The following GIPC2 variants were observed in gnomAD, a reference collection of about 807,000 sequenced individuals.
GIPC2 encodes the protein GIPC PDZ domain containing family member 2.
In GIPC2, 30 loss-of-function variants were observed where a neutral mutation model predicts 30.6. The observed-to-expected ratio is 0.98, with a 90% confidence interval of 0.73 to 1.33. GIPC2 has a LOEUF of 1.33. GIPC2 is among the 40% of genes most tolerant of loss of function. GIPC2 has a pLI of 0.00. For synonymous variants in GIPC2, 167 were observed against 150.0 expected (o/e 1.11, Z -0.83); for missense variants, 414 against 390.3 (o/e 1.06, Z -0.51).
At chr1:78,130,417 T>C (rs1014671959) in intron 5 of GIPC2, among the ~76,000 whole-genome samples, 2 of 152,194 alleles carry the variant, frequency 1.3e-5, no homozygotes, top group African/African-American at 2.4e-5. Flanking sequence ...ACTTTCTTTT[T>C]ATAGTGAATT....
chr1:78,063,473 C>T (rs1374162545), intron 1 of GIPC2, among the ~76,000 whole-genome samples: 1 of 149,484 alleles, frequency 6.7e-6, no homozygotes, highest in South Asian at 2.1e-4. Context: ...GCCTGGGCCA[C>T]AAGAGCTAAA....
intron 1 of GIPC2, among the ~76,000 whole-genome samples, chr1:78,067,513 G>A (rs185261733): frequency 3.3e-5 from 5 of 151,550 alleles, no homozygotes; most frequent in East Asian, 1.9e-4. Context: ...GTGTAGTGTC[G>A]TGGTCTCAGC....
Position 78,130,947 on chromosome 1 carries a change from G to T in GIPC2, c.797-4645G>T, listed in dbSNP as rs147472655. On this transcript the variant is annotated intron_variant, in intron 5 of 5. Coordinates refer to ENST00000370759, the MANE Select transcript of GIPC2 (RefSeq NM_017655.6). ...TAGTCCAGTGGCAGTAATAAAAATG[G>T]CCACTAGAGGTCAGCACTTAGCTGC... Among the ~76,000 whole-genome samples the T allele has an allele frequency of 1.5e-3, 222 of 152,098 alleles. 2 individuals are homozygous for T. The highest frequency in any genetic ancestry group is 5.1e-3 in the African/African-American group (210 of 41,500).
chr1:78,082,225 A>G (rs1259910095), intron 2 of GIPC2, among the ~76,000 whole-genome samples: 1 of 152,184 alleles, frequency 6.6e-6, no homozygotes, highest in East Asian at 1.9e-4. Context: ...ATTTGGATCT[A>G]TGAGGTCTGA....
At chr1:78,113,863 ATT>A (rs35608832) in intron 3 of GIPC2, among the ~76,000 whole-genome samples, 11 of 137,208 alleles carry the variant, frequency 8.0e-5, no homozygotes, top group Non-Finnish European at 7.9e-5. Context: ...GCCCATACCT[ATT>A]TTTTTTTTTT....
At chr1:78,114,237 C>A (rs1662526620) in intron 3 of GIPC2, among the ~76,000 whole-genome samples, 1 of 152,178 alleles carries the variant, frequency 6.6e-6, no homozygotes, top group Non-Finnish European at 1.5e-5. Context: ...ACTGTATCCA[C>A]TGCATCCCTG....
intron 4 of GIPC2, among the ~76,000 whole-genome samples, chr1:78,121,611 C>T (rs755708546): frequency 5.3e-5 from 8 of 151,880 alleles, no homozygotes; most frequent in South Asian, 2.1e-4. Context: ...GAGTCAAATG[C>T]GTGGGTTCTG....
At chr1:78,106,890 G>A (rs1662363632) in intron 3 of GIPC2, among the ~76,000 whole-genome samples, 3 of 151,958 alleles carry the variant, frequency 2.0e-5, no homozygotes, top group Admixed American at 2.0e-4. Flanking sequence ...TGGTCAGGCT[G>A]GTCTCGAACT....
chr1:78,116,198 C>G (rs1662564035), intron 3 of GIPC2, among the ~76,000 whole-genome samples: 1 of 152,172 alleles, frequency 6.6e-6, no homozygotes, highest in Admixed American at 6.5e-5. Context: ...TTCATGAGAA[C>G]TGATTCACTA....
At position 78,053,239 on chromosome 1, in the gene GIPC2, A is replaced by T. The variant is rs536066540; in HGVS notation, c.240+6905A>T. 3.9e-5 allele frequency among the ~76,000 whole-genome samples: 6 copies of T among 152,340 alleles called. No individual in the cohort carries two copies. The South Asian group carries it at 1.2e-3, about 32-fold the overall frequency. ...TTCTGTTGCACATAAACAATTGCAC[A>T]GCATGTCAACAGCAGATAAGACTGC... On this transcript the variant is annotated intron_variant, in intron 1 of 5. Coordinates refer to ENST00000370759, the MANE Select transcript of GIPC2 (RefSeq NM_017655.6).
At chr1:78,057,032 T>C (rs1260890694) in intron 1 of GIPC2, among the ~76,000 whole-genome samples, 4 of 152,328 alleles carry the variant, frequency 2.6e-5, no homozygotes, top group Admixed American at 2.6e-4. Context: ...GTATTTCCTA[T>C]AAATTAATAG....
chr1:78,114,123 A>G (rs1172330456), intron 3 of GIPC2, among the ~76,000 whole-genome samples: 7 of 152,202 alleles, frequency 4.6e-5, no homozygotes, highest in Non-Finnish European at 8.8e-5. Context: ...CCTGTGCCCT[A>G]AGTGACGTAT....
chr1:78,133,750 T>TTGTGTGTGTGTG (rs3057089), intron 5 of GIPC2, among the ~76,000 whole-genome samples: 8 of 146,012 alleles, frequency 5.5e-5, no homozygotes, highest in African/African-American at 2.0e-4. Flanking sequence ...GAAAAAAAAA[T>TTGTGTGTGTGTG]TGTGTGTGTG....
chr1:78,099,755 G>T (rs756497503), intron 3 of GIPC2, among the ~76,000 whole-genome samples: 17 of 152,008 alleles, frequency 1.1e-4, no homozygotes, highest in Non-Finnish European at 2.4e-4. Context: ...GCTTTCTAAG[G>T]AAAGAGATTT....
At position 78,046,326 on chromosome 1, in the gene GIPC2, C is replaced by G; in HGVS notation, c.232C>G (p.Pro78Ala). Reference sequence around the variant, plus strand: ...GATCGCGGGCGCGTTTGAAATCTCGCCGTCGGAGGTAAGGCGCCAGGTGCT... The same window carrying G: ...GATCGCGGGCGCGTTTGAAATCTCGGCGTCGGAGGTAAGGCGCCAGGTGCT... ...AQIAGAFEISPSEILYCTLNT... is the reference protein window; with the variant it reads ...AQIAGAFEISASEILYCTLNT... Residue 78 changes from proline (P) to alanine (A), a missense_variant, in exon 1 of 6, where the codon CCG becomes GCG. Transcript: ENST00000370759. 6.2e-7 allele frequency: 1 copy of G among 1,610,330 alleles called. No individual in the cohort carries two copies. Among genetic ancestry groups the G allele is most frequent in the Non-Finnish European group, 8.5e-7 (1 of 1,179,038 alleles).
At chr1:78,111,077 G>A (rs1287819239) in intron 3 of GIPC2, among the ~76,000 whole-genome samples, 1 of 152,170 alleles carries the variant, frequency 6.6e-6, no homozygotes, top group Non-Finnish European at 1.5e-5. Flanking sequence ...TTGGTGCTCT[G>A]TAACTTCAGA....
At chr1:78,124,976 C>CAAACA (rs530777145) in intron 4 of GIPC2, among the ~76,000 whole-genome samples, 109 of 152,202 alleles carry the variant, frequency 7.2e-4, no homozygotes, top group Admixed American at 1.9e-3. Flanking sequence ...GACTCTGTCT[C>CAAACA]AAACAAAACA....
chr1:78,105,278 T>C lies in GIPC2; in HGVS notation c.607+10146T>C, dbSNP rs185486722. Among the ~76,000 whole-genome samples, 305 of 152,016 alleles carry C rather than the reference T, an allele frequency of 2.0e-3. 4 individuals are homozygous for C. Among genetic ancestry groups the C allele is most frequent in the African/African-American group, 6.6e-3 (274 of 41,390 alleles). On this transcript the variant is annotated intron_variant, in intron 3 of 5. Coordinates refer to ENST00000370759, the MANE Select transcript of GIPC2 (RefSeq NM_017655.6). Reference sequence around the variant, plus strand: ...TTACCCTAAACAGTGATTGATGTCTTGTAACTGTAATTTTTTTTTTTTTTT... The same window carrying C: ...TTACCCTAAACAGTGATTGATGTCTCGTAACTGTAATTTTTTTTTTTTTTT...
intron 3 of GIPC2, among the ~76,000 whole-genome samples, chr1:78,102,593 C>G (rs1232357994): frequency 1.3e-5 from 2 of 151,810 alleles, no homozygotes; most frequent in Admixed American, 1.3e-4. Context: ...GTAGTCTCTG[C>G]CAGGGACTGG....
Sources: gnomAD v4.1 joint callset for allele counts (sites outside exome capture counted in the v4.1 genomes callset) on GRCh38, gnomAD v4.1.1 for gene constraint, MANE v1.5 for transcripts, NCBI Gene and HGNC (gene_info 2026-07-23, HGNC 2026-07-21) for gene names.